The following ABCB11 variants were observed in gnomAD, a reference collection of about 807,000 sequenced individuals.
ABCB11 encodes the protein ATP binding cassette subfamily B member 11.
In ABCB11, 95 loss-of-function variants were observed where a neutral mutation model predicts 148.0. The observed-to-expected ratio is 0.64, with a 90% CI of 0.54 to 0.76. The LOEUF is 0.76. Ranked by LOEUF, ABCB11 falls within the 30% of genes least tolerant of loss-of-function variation. The pLI is 0.00. For missense variants in ABCB11, 1,523 were observed against 1,617.8 expected (o/e 0.94, Z 1.01); for synonymous variants, 591 against 555.4 (o/e 1.06, Z -0.90).
At chr2:168,944,510 TATTCCATA>T in intron 21 of ABCB11, 87 bp downstream of exon 21, 1 of 1,361,148 alleles carries the variant, frequency 7.3e-7, no homozygotes. Flanking sequence ...CACTGGTCCC[TATTCCATA>T]GAAAACATGC....
chr2:168,942,550 A>T (rs1316833938), intron 21 of ABCB11, among the ~76,000 whole-genome samples: 1 of 151,832 alleles, frequency 6.6e-6, no homozygotes, highest in African/African-American at 2.4e-5. Flanking sequence ...ACTATTTGAT[A>T]GCACAATAGA....
At chr2:168,916,267 A>ATC (rs1690939415), downstream of ABCB11, among the ~76,000 whole-genome samples, 1 of 152,174 alleles carries the variant, frequency 6.6e-6, no homozygotes, top group African/African-American at 2.4e-5. Context: ...CTCTTCTGCT[A>ATC]TCTCCAGCTC....
chr2:169,002,936 A>C (rs1256200924), intron 5 of ABCB11, among the ~76,000 whole-genome samples: 1 of 152,042 alleles, frequency 6.6e-6, no homozygotes, highest in Non-Finnish European at 1.5e-5. Flanking sequence ...TATAATGTAC[A>C]TTTTATTATT....
At chr2:168,945,269 C>T (rs1692252791) in intron 19 of ABCB11, among the ~76,000 whole-genome samples, 1 of 151,864 alleles carries the variant, frequency 6.6e-6, no homozygotes, top group Non-Finnish European at 1.5e-5. Flanking sequence ...TGCTGTAAAC[C>T]TAAAAGTGCT....
intron 8 of ABCB11, among the ~76,000 whole-genome samples, chr2:168,991,366 T>C (rs747314375): frequency 3.3e-5 from 5 of 152,144 alleles, no homozygotes; most frequent in Non-Finnish European, 7.4e-5. Context: ...GGCATGATGT[T>C]GAAAGACGAT....
chr2:168,924,952 G>A (rs896017518), intron 26 of ABCB11, 149 bp from the exon 27 acceptor site: 1 of 551,488 alleles, frequency 1.8e-6, no homozygotes, highest in Non-Finnish European at 3.0e-6. Flanking sequence ...GATGGAGGAT[G>A]TCAAATCCAC....
Position 168,924,647 on chromosome 2 carries a change from C to T in ABCB11, c.3765+10G>A. 1 of 1,612,716 alleles carries T rather than the reference C, an allele frequency of 6.2e-7. No individual in the cohort carries two copies. The highest frequency in any genetic ancestry group is 8.5e-7 in the Non-Finnish European group (1 of 1,179,460). On this transcript the variant is annotated intron_variant, in intron 27 of 27. Transcript: ENST00000650372. Reference sequence around the variant, plus strand: ...GTAATGATCTAAGACTTTAGAAATTCAACACTTACCTTTTCACTTTCTGTG... The same window carrying T: ...GTAATGATCTAAGACTTTAGAAATTTAACACTTACCTTTTCACTTTCTGTG...
downstream of ABCB11, among the ~76,000 whole-genome samples, chr2:168,915,988 C>G (rs1690934123): frequency 6.6e-6 from 1 of 152,198 alleles, no homozygotes; most frequent in South Asian, 2.1e-4. Flanking sequence ...CTCCCTGCAG[C>G]CTGCCAAACT....
chr2:168,997,340 G>A (rs1346554452), intron 5 of ABCB11, among the ~76,000 whole-genome samples: 1 of 152,002 alleles, frequency 6.6e-6, no homozygotes, highest in African/African-American at 2.4e-5. Flanking sequence ...TACAGCCTAA[G>A]TTCATTCACC....
intron 23 of ABCB11, among the ~76,000 whole-genome samples, chr2:168,934,689 T>C (rs368958189): frequency 7.9e-5 from 12 of 152,354 alleles, no homozygotes; most frequent in South Asian, 6.2e-4. Context: ...GTGTGGCAGA[T>C]TGTTTATAAA....
In ABCB11 at chr2:168,995,516, A is replaced by G. The variant is rs202199372; in HGVS notation, c.478-34T>C. On this transcript the variant is annotated intron_variant, in intron 6 of 27. Coordinates refer to ENST00000650372, the MANE Select transcript of ABCB11 (RefSeq NM_003742.4). The stretch of plus-strand genomic sequence containing the variant: ...GGACAAAGGAATGTTTAGCATTGCA[A>G]TGTTTGAAATATTTGTTAATTTCTT... The G allele has an allele frequency of 8.7e-4, 1,379 of 1,584,168 alleles. 2 individuals carry two copies. Among genetic ancestry groups the G allele is most frequent in the Admixed American group, 1.2e-3 (66 of 53,258 alleles).
At chr2:168,965,522 A>C (rs978238035) in intron 17 of ABCB11, among the ~76,000 whole-genome samples, 3 of 151,872 alleles carry the variant, frequency 2.0e-5, no homozygotes, top group Non-Finnish European at 4.4e-5. Context: ...GCCTGAAGCC[A>C]AAGCATCTTT....
intron 11 of ABCB11, among the ~76,000 whole-genome samples, chr2:168,978,658 A>ATT (rs35154196): frequency 1.3e-5 from 2 of 148,994 alleles, no homozygotes; most frequent in South Asian, 2.1e-4. Context: ...AGCTCAGGGC[A>ATT]TTTTTTTTTT....
intron 9 of ABCB11, 80 bp from the exon 10 acceptor site, chr2:168,986,364 G>C: frequency 8.2e-7 from 1 of 1,225,940 alleles, no homozygotes; most frequent in South Asian, 1.3e-5. Context: ...TGATGCAGTG[G>C]TTTTACAAAA....
At chr2:169,017,574 C>A (rs1316065744) in intron 2 of ABCB11, among the ~76,000 whole-genome samples, 1 of 152,140 alleles carries the variant, frequency 6.6e-6, no homozygotes, top group Non-Finnish European at 1.5e-5. Flanking sequence ...GTTTTGTCAT[C>A]TGTAAAATGT....
chr2:168,974,060 T>C (rs1174261067), intron 12 of ABCB11, among the ~76,000 whole-genome samples: 1 of 151,980 alleles, frequency 6.6e-6, no homozygotes, highest in Non-Finnish European at 1.5e-5. Flanking sequence ...ATTATTTAAC[T>C]GAGAGCCATG....
Position 168,970,064 on chromosome 2 carries a change from A to AC in ABCB11, c.1789dup (p.Val597GlyfsTer7). ...ACAAACCTTACTCAGCACTTCTTGC[A>AC]CCATGGCTTCACTCTCATTGTCCAG... On this transcript the variant is annotated frameshift_variant, in exon 15 of 28. Transcript: ENST00000650372. LOFTEE classifies it high-confidence loss of function. 6.2e-7 allele frequency: 1 copy of AC among 1,612,482 alleles called. No individual in the cohort carries two copies. Among genetic ancestry groups the AC allele is most frequent in the South Asian group, 1.1e-5 (1 of 91,048 alleles).
intron 19 of ABCB11, among the ~76,000 whole-genome samples, chr2:168,950,700 G>A (rs1021509739): frequency 2.0e-5 from 3 of 151,710 alleles, no homozygotes; most frequent in East Asian, 3.9e-4. Flanking sequence ...TGTAATGTTT[G>A]TAAATATTTT....
At chr2:169,014,021 G>A (rs1695277191) in intron 4 of ABCB11, among the ~76,000 whole-genome samples, 1 of 152,164 alleles carries the variant, frequency 6.6e-6, no homozygotes, top group Admixed American at 6.5e-5. Context: ...ATATATATAT[G>A]TGATTGTTGT....
Sources: gnomAD v4.1 joint callset for allele counts (sites outside exome capture counted in the v4.1 genomes callset) on GRCh38, gnomAD v4.1.1 for gene constraint, MANE v1.5 for transcripts, NCBI Gene and HGNC (gene_info 2026-07-23, HGNC 2026-07-21) for gene names.